The following TRIM37 variants were observed in gnomAD, a reference collection of about 807,000 sequenced individuals.
TRIM37 encodes E3 ubiquitin-protein ligase TRIM37.
TRIM37 carries 80 observed loss-of-function variants against 129.8 expected under a neutral mutation model. The ratio of observed to expected loss-of-function variants is 0.62; its 90% CI spans 0.51 to 0.74. The LOEUF is 0.74. Among genes scored for constraint, TRIM37 ranks in the 30% least tolerant of loss-of-function variants. The pLI is 0.00. For synonymous variants in TRIM37, 389 were observed against 387.1 expected (o/e 1.00, Z -0.06); for missense variants, 1,054 against 1,176.5 (o/e 0.90, Z 1.52).
chr17:59,085,029 A>G (rs1304928828), intron 4 of TRIM37, among the ~76,000 whole-genome samples: 2 of 152,152 alleles, frequency 1.3e-5, no homozygotes, highest in Non-Finnish European at 2.9e-5. Context: ...CATATACACA[A>G]ATAAACTACA....
At chr17:59,017,079 T>C (rs1325107372) in intron 20 of TRIM37, among the ~76,000 whole-genome samples, 1 of 151,794 alleles carries the variant, frequency 6.6e-6, no homozygotes, top group Non-Finnish European at 1.5e-5. Flanking sequence ...GGCAGGAGGA[T>C]CTCTTAAACC....
chr17:59,075,632 T>C lies in TRIM37; in HGVS notation c.684+15A>G. On this transcript the variant is annotated intron_variant, in intron 8 of 23. Transcript: ENST00000262294. ...AAGGATAAAGACTATTTCATTACATTTAATATTTCATCACCTGGTGCTCCA... is the reference window on the plus strand; with the variant it reads ...AAGGATAAAGACTATTTCATTACATCTAATATTTCATCACCTGGTGCTCCA... The C allele has an allele frequency of 6.4e-7, 1 of 1,573,844 alleles. No homozygotes were observed. Among genetic ancestry groups the C allele is most frequent in the South Asian group, 1.1e-5 (1 of 90,208 alleles).
chr17:59,037,116 A>AAAAAC (rs1047970384), intron 17 of TRIM37, among the ~76,000 whole-genome samples: 6 of 152,012 alleles, frequency 3.9e-5, no homozygotes, highest in Admixed American at 2.6e-4. Context: ...CTCCATCTCA[A>AAAAAC]AAAACAAAAC....
chr17:59,026,606 C>T (rs1221896367), intron 19 of TRIM37, among the ~76,000 whole-genome samples: 2 of 152,174 alleles, frequency 1.3e-5, no homozygotes, highest in East Asian at 3.8e-4. Context: ...ATTTAATTCA[C>T]AGATGAAAGA....
the TRIM37 span, among the ~76,000 whole-genome samples, chr17:58,973,342 G>C: frequency 6.6e-6 from 1 of 151,540 alleles, no homozygotes; most frequent in Non-Finnish European, 1.5e-5. Flanking sequence ...GCTTGAACCT[G>C]GGAAGCAGAG....
chr17:59,060,940 A>G, intron 12 of TRIM37, 92 bp downstream of exon 12: 1 of 839,480 alleles, frequency 1.2e-6, no homozygotes, highest in Non-Finnish European at 2.0e-6. Flanking sequence ...ACATACCAAT[A>G]CAGTAATTAA....
downstream of TRIM37, chr17:58,980,526 C>A (rs1038678844): frequency 9.3e-6 from 15 of 1,614,092 alleles, no homozygotes; most frequent in Non-Finnish European, 1.3e-5. This position sits in a 1 kb window ranked among gnomAD's most constrained non-coding sequence, Gnocchi z 4.7. Flanking sequence ...TTTTTGCTAC[C>A]AGTTGAGATG....
chr17:59,083,981 T>C (rs775423915), intron 5 of TRIM37, 21 bp downstream of exon 5: 2 of 1,602,254 alleles, frequency 1.2e-6, no homozygotes, highest in African/African-American at 1.3e-5. Flanking sequence ...TTAAAAAAAA[T>C]ACTGAATTTG....
chr17:59,061,441 C>CA (rs1022688953), intron 11 of TRIM37, among the ~76,000 whole-genome samples: 1 of 150,174 alleles, frequency 6.7e-6, no homozygotes, highest in African/African-American at 2.4e-5. Context: ...ATGAGTGAAG[C>CA]AAAAAAAAAT....
chr17:59,042,173 G>A (rs1025605475), intron 16 of TRIM37, among the ~76,000 whole-genome samples: 6 of 150,206 alleles, frequency 4.0e-5, no homozygotes, highest in African/African-American at 9.8e-5. Context: ...TCAGGAGATC[G>A]AGACCATCCT....
downstream of TRIM37, chr17:58,982,276 T>G (rs941446372): frequency 6.6e-6 from 1 of 152,442 alleles, no homozygotes; most frequent in Admixed American, 6.5e-5. Context: ...TTTTTGCTAT[T>G]TCTGCAGTTT....
rs2037886561 is a variant in TRIM37, at chr17:59,031,908, G to A, written c.1936C>T (p.Leu646=). ...GLQPRPPASL[L]QPTASYSRKD... The stretch of plus-strand genomic sequence containing the variant: ...GTTATTATTTTACCTGTGGGCTGCA[G>A]AAGTGAAGCAGGTGGGCGAGGCTGT... The change falls in exon 18 of 24, where the codon CTG becomes TTG. Residue 646 remains leucine, a synonymous_variant. Transcript: ENST00000262294. The A allele has an allele frequency of 1.9e-6, 3 of 1,614,044 alleles. No homozygotes were observed. The highest frequency in any genetic ancestry group is 2.2e-5 in the South Asian group (2 of 91,064).
rs1425570862 is a variant in TRIM37 at position 59,007,676 on chromosome 17, A to C, written c.2695+4652T>G. On this transcript the variant is annotated intron_variant, in intron 22 of 23. Transcript: ENST00000262294. ...AAAATAAGTCAACCTTTTCAGCATCAGATCATTAAACCAGCGACTAATACA... is the reference window on the plus strand; with the variant it reads ...AAAATAAGTCAACCTTTTCAGCATCCGATCATTAAACCAGCGACTAATACA... 2.6e-5 allele frequency among the ~76,000 whole-genome samples: 4 copies of C among 152,226 alleles called. No homozygotes were observed. In the East Asian group the frequency reaches 7.7e-4, roughly 29 times the overall value.
At chr17:59,052,421 T>C (rs1204584634) in intron 13 of TRIM37, among the ~76,000 whole-genome samples, 1 of 152,196 alleles carries the variant, frequency 6.6e-6, no homozygotes, top group Non-Finnish European at 1.5e-5. Context: ...ATGTTAGCTG[T>C]TCATTTTTTT....
intron 5 of TRIM37, among the ~76,000 whole-genome samples, chr17:59,082,568 T>C (rs1235037340): frequency 2.6e-5 from 4 of 152,168 alleles, no homozygotes; most frequent in Non-Finnish European, 4.4e-5. Context: ...ATGAACCCAT[T>C]TTCCATCCCA....
intron 2 of TRIM37, among the ~76,000 whole-genome samples, chr17:59,103,345 G>GT (rs376830353): frequency 3.4e-4 from 52 of 151,592 alleles, no homozygotes; most frequent in African/African-American, 1.3e-3. Context: ...TTGTTATTTT[G>GT]TTTTTTGTTT....
At chr17:58,993,171 A>T (rs2032622401) in intron 24 of TRIM37, among the ~76,000 whole-genome samples, 1 of 152,138 alleles carries the variant, frequency 6.6e-6, no homozygotes, top group South Asian at 2.1e-4. Flanking sequence ...ACCACATGAG[A>T]TGTGCCTTTT....
chr17:59,095,607 C>T (rs1047880009), intron 2 of TRIM37, among the ~76,000 whole-genome samples: 2 of 152,122 alleles, frequency 1.3e-5, no homozygotes, highest in Admixed American at 6.6e-5. Context: ...ACTAGGAGGC[C>T]GATCATAGAG....
Position 59,011,765 on chromosome 17 carries a change from A to C in TRIM37, c.2695+563T>G, listed in dbSNP as rs1025707636. 3.3e-5 allele frequency among the ~76,000 whole-genome samples: 5 copies of C among 152,348 alleles called. No homozygotes were observed. The South Asian group carries it at 1.0e-3, about 32-fold the overall frequency. On this transcript the variant is annotated intron_variant, in intron 22 of 23. Coordinates refer to ENST00000262294, the MANE Select transcript of TRIM37 (RefSeq NM_015294.6). ...TGAAGTCAGTCATCATACAGGATTTAAAAAATGGTCAAAACTTGGAATGCT... is the reference window on the plus strand; with the variant it reads ...TGAAGTCAGTCATCATACAGGATTTCAAAAATGGTCAAAACTTGGAATGCT...
Sources: gnomAD v4.1 joint callset for allele counts (sites outside exome capture counted in the v4.1 genomes callset) on GRCh38, gnomAD v4.1.1 for gene constraint, Gnocchi (gnomAD v3.1) non-coding constraint, MANE v1.5 for transcripts, NCBI Gene and HGNC (gene_info 2026-07-23, HGNC 2026-07-21) for gene names.